SPTBN1: variants seen among roughly 807,000 people sequenced by gnomAD.
SPTBN1 encodes the protein spectrin beta, non-erythrocytic 1.
In SPTBN1, 32 loss-of-function variants were observed where a neutral mutation model predicts 266.4. The ratio of observed to expected loss-of-function variants is 0.12; its 90% CI spans 0.09 to 0.16. The LOEUF (loss-of-function observed/expected upper bound fraction) is 0.16, where lower values mean the gene tolerates loss of function less well. Ranked by LOEUF, SPTBN1 falls within the 10% of genes least tolerant of loss-of-function variation. SPTBN1 has a pLI of 1.00. For missense variants in SPTBN1, 2,296 were observed against 3,067.1 expected (o/e 0.75, Z 5.94); for synonymous variants, 1,336 against 1,162.2 (o/e 1.15, Z -3.04).
rs540781754 is a variant in SPTBN1 at position 54,644,395 on chromosome 2, A to G, written c.4078A>G (p.Lys1360Glu). ...GAAGGAGAAACTCACTGGTTTACATAAAATGTGGGAAGTCCTTGAATCCAC... is the reference window on the plus strand; with the variant it reads ...GAAGGAGAAACTCACTGGTTTACATGAAATGTGGGAAGTCCTTGAATCCAC... ...VVKEKLTGLH[K>E]MWEVLESTTQ... is the part of the protein sequence containing the mutation. Residue 1360 changes from lysine to glutamate, a missense_variant, in exon 20 of 36, where the codon AAA becomes GAA. Lys to Glu is a moderately conservative substitution (Grantham distance 56). Transcript: ENST00000356805. The G allele has an allele frequency of 6.8e-5, 109 of 1,614,230 alleles. 1 individual carries two copies. In the South Asian group the frequency reaches 1.1e-3, roughly 16 times the overall value.
rs867847257 is a variant in SPTBN1 at position 54,561,662 on chromosome 2, C to T, written c.148+35096C>T. Reference sequence around the variant, plus strand: ...TCTATTTAGATAAAATGGTTTATAGCGATTTATAGTTTATAAATTTATAGA... The same window carrying T: ...TCTATTTAGATAAAATGGTTTATAGTGATTTATAGTTTATAAATTTATAGA... On this transcript the variant is annotated intron_variant, in intron 2 of 35. Coordinates refer to ENST00000356805, the MANE Select transcript of SPTBN1 (RefSeq NM_003128.3). Among the ~76,000 whole-genome samples the T allele has an allele frequency of 4.2e-4, 59 of 140,502 alleles. 1 individual carries two copies. The highest frequency in any genetic ancestry group is 1.6e-3 in the African/African-American group (52 of 32,924). 92.2% of individuals were successfully genotyped at this position (140,502 alleles called of 152,430 possible). A position where few individuals can be genotyped will look rare whatever the true frequency, so the allele number is the denominator to read the frequency against.
intron 32 of SPTBN1, chr2:54,660,391 A>G (rs1224471418): frequency 1.8e-6 from 2 of 1,127,644 alleles, no homozygotes; most frequent in Non-Finnish European, 2.2e-6. Flanking sequence ...GAAGAAGAAA[A>G]CTAGAATCTA....
intron 1 of SPTBN1, among the ~76,000 whole-genome samples, chr2:54,461,351 G>C (rs368594534): frequency 7.2e-5 from 11 of 152,174 alleles, no homozygotes; most frequent in African/African-American, 2.2e-4. Context: ...ACTCTAGATG[G>C]AGATTTGGAT....
chr2:54,478,615 T>C (rs1215556254), intron 1 of SPTBN1, among the ~76,000 whole-genome samples: 1 of 152,206 alleles, frequency 6.6e-6, no homozygotes, highest in Admixed American at 6.5e-5. Flanking sequence ...GCTGAAACTA[T>C]TGCTGTTAAC....
In SPTBN1 at chr2:54,465,627, T is replaced by G. The variant is rs971812529; in HGVS notation, c.-48+9109T>G. Among the ~76,000 whole-genome samples, 3 of 125,340 alleles carry G rather than the reference T, an allele frequency of 2.4e-5. No homozygotes were observed. In the Admixed American group the frequency reaches 2.7e-4, roughly 11 times the overall value. The allele number at this position is 125,340 out of a possible 152,430, so 82.2% of individuals were successfully genotyped here. ...TATATACATATATGATGCATACATA[T>G]CATGTTTATCTCATATATATATATA... On this transcript the variant is annotated intron_variant, in intron 1 of 35. Transcript: ENST00000356805.
chr2:54,580,464 A>G (rs967616502), intron 2 of SPTBN1, among the ~76,000 whole-genome samples: 1 of 152,160 alleles, frequency 6.6e-6, no homozygotes, highest in African/African-American at 2.4e-5. Flanking sequence ...ACATTTCTCC[A>G]CATTATCAGG....
rs573132886 is a variant in SPTBN1 at position 54,626,541 on chromosome 2, C to T, written c.1644+307C>T. On this transcript the variant is annotated intron_variant, in intron 12 of 35. Coordinates refer to ENST00000356805, the MANE Select transcript of SPTBN1 (RefSeq NM_003128.3). The surrounding 1 kb of genome is among the most constrained non-coding windows in gnomAD (Gnocchi z 4.7). ...TTATTTTTAAGTTTTCAGGGTTAAACTAACTTACCGTTTCATTGATCTGTG... is the reference window on the plus strand; with the variant it reads ...TTATTTTTAAGTTTTCAGGGTTAAATTAACTTACCGTTTCATTGATCTGTG... Among the ~76,000 whole-genome samples the T allele has an allele frequency of 6.6e-6, 1 of 151,988 alleles. No homozygotes were observed. Among genetic ancestry groups the T allele is most frequent in the East Asian group, 1.9e-4 (1 of 5,152 alleles).
At chr2:54,643,313 A>G (rs995837495) in intron 19 of SPTBN1, among the ~76,000 whole-genome samples, 184 bp downstream of exon 19, 14 of 152,184 alleles carry the variant, frequency 9.2e-5, no homozygotes, top group African/African-American at 3.4e-4. Context: ...AAGGGAAAAA[A>G]GCAGAAACCC....
intron 20 of SPTBN1, 46 bp downstream of exon 20, chr2:54,644,632 A>G (rs961139011): frequency 1.3e-6 from 2 of 1,563,276 alleles, no homozygotes; most frequent in Non-Finnish European, 1.7e-6. Context: ...TCTGTTTTAC[A>G]GCCATAGTCC....
chr2:54,490,618 A>G (rs909189661), intron 1 of SPTBN1, among the ~76,000 whole-genome samples: 2 of 152,178 alleles, frequency 1.3e-5, no homozygotes, highest in Admixed American at 6.5e-5. Context: ...AGTAGCGGAC[A>G]TGCTTTATTG....
chr2:54,613,830 G>A (rs570215017), intron 4 of SPTBN1, among the ~76,000 whole-genome samples: 1 of 152,296 alleles, frequency 6.6e-6, no homozygotes, highest in African/African-American at 2.4e-5. Context: ...GAAATTATTA[G>A]CAGTACACTC....
chr2:54,644,661 C>T (rs1679804001), intron 20 of SPTBN1, 75 bp downstream of exon 20: 1 of 1,513,612 alleles, frequency 6.6e-7, no homozygotes, highest in Non-Finnish European at 8.9e-7. Flanking sequence ...TTTTCTCACC[C>T]ACTGCATTAT....
intron 1 of SPTBN1, among the ~76,000 whole-genome samples, chr2:54,506,671 AAGAG>A (rs1669576093): frequency 1.3e-5 from 2 of 152,300 alleles, no homozygotes; most frequent in African/African-American, 4.8e-5. Context: ...ATTGATGAAA[AAGAG>A]AGAAATACCC....
intron 32 of SPTBN1, 161 bp downstream of exon 32, chr2:54,660,160 C>T: frequency 6.5e-7 from 1 of 1,527,622 alleles, no homozygotes; most frequent in South Asian, 1.3e-5. Flanking sequence ...CCACTTCACC[C>T]AAAATGTTAA....
intron 2 of SPTBN1, among the ~76,000 whole-genome samples, chr2:54,561,879 T>TA (rs56934076): frequency 0.44 from 64,831 of 147,306 alleles, 15,295 homozygotes; most frequent in African/African-American, 0.63. Flanking sequence ...TAAGTGTGAT[T>TA]AAAAAAAAAA....
At chr2:54,497,920 C>T (rs1027165551) in intron 1 of SPTBN1, among the ~76,000 whole-genome samples, 1 of 152,106 alleles carries the variant, frequency 6.6e-6, no homozygotes, top group Admixed American at 6.6e-5. Context: ...AGCCGGAGAC[C>T]ATCTCTACAA....
rs1195125341 is a variant in SPTBN1 at position 54,554,008 on chromosome 2, A to G, written c.148+27442A>G. Among the ~76,000 whole-genome samples the G allele has an allele frequency of 6.6e-6, 1 of 152,192 alleles. No individual in the cohort carries two copies. Among genetic ancestry groups the G allele is most frequent in the African/African-American group, 2.4e-5 (1 of 41,444 alleles). On this transcript the variant is annotated intron_variant, in intron 2 of 35. Transcript: ENST00000356805. This position sits in a 1 kb window ranked among gnomAD's most constrained non-coding sequence, Gnocchi z 4.5. Reference sequence around the variant, plus strand: ...GAGGAACAAAACCAAACAAGACCTAATAAAACCCACTCAGAACCACAGAAC... The same window carrying G: ...GAGGAACAAAACCAAACAAGACCTAGTAAAACCCACTCAGAACCACAGAAC...
chr2:54,482,771 C>T (rs1351970871), intron 1 of SPTBN1, among the ~76,000 whole-genome samples: 2 of 152,078 alleles, frequency 1.3e-5, no homozygotes, highest in Non-Finnish European at 2.9e-5. Context: ...TCTAGGGTGT[C>T]AACAAAACAT....
intron 1 of SPTBN1, among the ~76,000 whole-genome samples, chr2:54,510,496 A>G (rs1304492412): frequency 6.6e-6 from 1 of 152,232 alleles, no homozygotes; most frequent in Admixed American, 6.5e-5. Flanking sequence ...GTCATAGAAT[A>G]CTAACAGAAT....
Sources: allele counts gnomAD v4.1 joint callset (sites outside exome capture counted in the v4.1 genomes callset), GRCh38; gene constraint gnomAD v4.1.1; non-coding constraint Gnocchi (gnomAD v3.1); transcripts MANE v1.5; gene names NCBI Gene and HGNC (gene_info 2026-07-23, HGNC 2026-07-21).